The following PIK3C3 variants were observed in gnomAD, a reference collection of about 807,000 sequenced individuals.
PIK3C3 encodes the protein PI3-kinase type 3.
PIK3C3 carries 95 observed loss-of-function variants against 126.1 expected under a neutral mutation model. The observed-to-expected ratio is 0.75, with a 90% CI of 0.64 to 0.89. The LOEUF (loss-of-function observed/expected upper bound fraction) is 0.89, where lower values mean the gene tolerates loss of function less well. PIK3C3 is among the 40% of genes least tolerant of loss of function. The pLI is 0.00. For missense variants in PIK3C3, 829 were observed against 1,063.2 expected, an observed-to-expected ratio of 0.78 and a Z score of 3.06; for synonymous variants, 374 against 360.0, an observed-to-expected ratio of 1.04 and a Z score of -0.44.
chr18:42,046,448 A>G (rs1457257457), intron 20 of PIK3C3, among the ~76,000 whole-genome samples: 1 of 152,158 alleles, frequency 6.6e-6, no homozygotes, highest in African/African-American at 2.4e-5. Context: ...TATCTTTACT[A>G]AGTAAAGGGA....
intron 16 of PIK3C3, among the ~76,000 whole-genome samples, chr18:42,034,828 A>G (rs138949649): frequency 6.6e-6 from 1 of 152,338 alleles, no homozygotes; most frequent in African/African-American, 2.4e-5. Context: ...CTCATAGAAC[A>G]ACAACTAATG....
rs1207781113 is a variant in PIK3C3 at position 42,029,322 on chromosome 18, C to CATG, written c.1591-2_1591-1insTGA. Reference sequence around the variant, plus strand: ...TAATTTTTTCTCACTTTGAACCCTTCAGGGTGATAAGTCTGTCAGAGTTAT... The same window carrying CATG: ...TAATTTTTTCTCACTTTGAACCCTTCATGAGGGTGATAAGTCTGTCAGAGTTAT... On this transcript the variant is annotated splice_region_variant and splice_polypyrimidine_tract_variant and intron_variant, in intron 14 of 24. Coordinates refer to ENST00000262039, the MANE Select transcript of PIK3C3 (RefSeq NM_002647.4). 2.5e-6 allele frequency: 4 copies of CATG among 1,603,062 alleles called. No individual in the cohort carries two copies. The African/African-American group carries it at 5.4e-5, about 21-fold the overall frequency.
intron 4 of PIK3C3, among the ~76,000 whole-genome samples, chr18:41,986,462 C>A (rs555668376): frequency 3.9e-5 from 6 of 152,140 alleles, no homozygotes; most frequent in African/African-American, 1.4e-4. Flanking sequence ...TATTTTGCAT[C>A]TATTACTTTA....
At position 41,957,692 on chromosome 18, in the gene PIK3C3, T is replaced by C. The variant is rs371650526; in HGVS notation, c.191T>C (p.Phe64Ser). ...CSDLYVTCQV[F>S]AEGKPLALPV... The stretch of plus-strand genomic sequence containing the variant: ...GATCTTTATGTTACTTGTCAAGTTT[T>C]TGCAGAAGGGAAGCCTTTGGCCTTG... The change falls in exon 2 of 25, where the codon TTT becomes TCT. Residue 64 changes from phenylalanine (F) to serine (S), a missense_variant. Physicochemically the swap from Phe to Ser is radical, Grantham distance 155 (BLOSUM62 -2). Coordinates refer to ENST00000262039, the MANE Select transcript of PIK3C3 (RefSeq NM_002647.4). The C allele has an allele frequency of 6.9e-5, 111 of 1,613,896 alleles. No homozygotes were observed. Among genetic ancestry groups the C allele is most frequent in the Non-Finnish European group, 8.8e-5 (104 of 1,179,956 alleles).
At chr18:41,994,201 A>G (rs948498945) in intron 7 of PIK3C3, among the ~76,000 whole-genome samples, 1 of 152,166 alleles carries the variant, frequency 6.6e-6, no homozygotes, top group African/African-American at 2.4e-5. Context: ...CAGGGAAAGT[A>G]GAGTATAAAA....
In PIK3C3 at chr18:42,049,518, A is replaced by G; in HGVS notation, c.2189-13A>G. The G allele has an allele frequency of 6.2e-7, 1 of 1,605,696 alleles. No individual in the cohort carries two copies. The highest frequency in any genetic ancestry group is 8.5e-7 in the Non-Finnish European group (1 of 1,173,020). On this transcript the variant is annotated splice_polypyrimidine_tract_variant and intron_variant, in intron 20 of 24. Transcript: ENST00000262039. ...CATTTGTTTTCACATATTTTTTTTA[A>G]CTGTTACTGCAGCTGGATATTGCGT... is the stretch of plus-strand genomic sequence containing the variant.
At chr18:42,030,095 C>G (rs1983757068) in intron 15 of PIK3C3, among the ~76,000 whole-genome samples, 1 of 152,142 alleles carries the variant, frequency 6.6e-6, no homozygotes, top group Admixed American at 6.5e-5. Flanking sequence ...TTTACCACCT[C>G]TCATTTTAGA....
intron 2 of PIK3C3, among the ~76,000 whole-genome samples, chr18:41,960,934 G>C (rs1257242019): frequency 6.6e-6 from 1 of 151,882 alleles, no homozygotes; most frequent in Admixed American, 6.6e-5. Flanking sequence ...TAGAGACACG[G>C]TTTCACCATG....
At chr18:42,063,673 G>T (rs1240709366) in intron 22 of PIK3C3, among the ~76,000 whole-genome samples, 1 of 152,004 alleles carries the variant, frequency 6.6e-6, no homozygotes, top group Non-Finnish European at 1.5e-5. Flanking sequence ...TTCTATAAAA[G>T]TTCCATTATC....
Position 42,004,545 on chromosome 18 carries a change from C to T in PIK3C3, c.1170+4C>T. ...GTTGCGACAGGCCGATGATGAGGTG[C>T]ATTATTATTTATTATTCTGCTTCAA... On this transcript the variant is annotated splice_donor_region_variant and intron_variant, in intron 10 of 24. Transcript: ENST00000262039. 1 of 1,580,780 alleles carries T rather than the reference C, an allele frequency of 6.3e-7. No homozygotes were observed. The highest frequency in any genetic ancestry group is 1.7e-4 in the Middle Eastern group (1 of 5,860).
At chr18:42,030,985 A>G (rs1983798602) in intron 15 of PIK3C3, among the ~76,000 whole-genome samples, 1 of 152,202 alleles carries the variant, frequency 6.6e-6, no homozygotes, top group African/African-American at 2.4e-5. Context: ...CATAGCCTAT[A>G]TTTTAAGCCA....
chr18:42,063,697 T>A (rs1985417615), intron 22 of PIK3C3, among the ~76,000 whole-genome samples: 1 of 152,212 alleles, frequency 6.6e-6, no homozygotes, highest in Non-Finnish European at 1.5e-5. Flanking sequence ...ACAGTTTAAC[T>A]GTTAAACATT....
rs114219289 is a variant in PIK3C3, at chr18:42,030,816, T to G, written c.1707+1375T>G. Reference sequence around the variant, plus strand: ...GTGTCTGCTGCTCTGACCTGCAGTTTGGGGCTTATATTTGAAAGCAGTTTG... The same window carrying G: ...GTGTCTGCTGCTCTGACCTGCAGTTGGGGGCTTATATTTGAAAGCAGTTTG... On this transcript the variant is annotated intron_variant, in intron 15 of 24. Coordinates refer to ENST00000262039, the MANE Select transcript of PIK3C3 (RefSeq NM_002647.4). Among the ~76,000 whole-genome samples the G allele has an allele frequency of 7.0e-3, 1,067 of 152,282 alleles. 13 individuals carry two copies. The highest frequency in any genetic ancestry group is 0.023 in the African/African-American group (946 of 41,552).
chr18:41,958,142 G>T (rs1468376769), intron 2 of PIK3C3, among the ~76,000 whole-genome samples: 1 of 152,150 alleles, frequency 6.6e-6, no homozygotes, highest in Non-Finnish European at 1.5e-5. Flanking sequence ...TTTAGAGATA[G>T]ATCTATTGCC....
intron 4 of PIK3C3, 53 bp from the exon 5 acceptor site, chr18:41,987,759 C>A (rs1442870382): frequency 8.1e-7 from 1 of 1,235,844 alleles, no homozygotes; most frequent in Non-Finnish European, 1.2e-6. Context: ...ATTTTTGGTC[C>A]TTCTTTCTAC....
intron 9 of PIK3C3, among the ~76,000 whole-genome samples, chr18:41,997,156 C>G (rs887978268): frequency 8.5e-5 from 13 of 152,154 alleles, no homozygotes; most frequent in African/African-American, 2.9e-4. Context: ...TTCTTCTTAC[C>G]TCTTTGAACC....
intron 2 of PIK3C3, among the ~76,000 whole-genome samples, chr18:41,960,163 A>T (rs1044895304): frequency 6.6e-6 from 1 of 152,148 alleles, no homozygotes; most frequent in African/African-American, 2.4e-5. Context: ...CTCATCCGAA[A>T]TTTATTCAAG....
At chr18:42,077,894 A>G (rs1194883975) in intron 24 of PIK3C3, among the ~76,000 whole-genome samples, 1 of 152,202 alleles carries the variant, frequency 6.6e-6, no homozygotes, top group Non-Finnish European at 1.5e-5. Flanking sequence ...TTCTTAAATA[A>G]TAGGACTTGA....
chr18:42,044,124 C>T (rs940461124), intron 20 of PIK3C3, among the ~76,000 whole-genome samples: 1 of 152,074 alleles, frequency 6.6e-6, no homozygotes. Context: ...ATAACAGAAA[C>T]TAAGTAGACC....
Sources: gnomAD v4.1 joint callset for allele counts (sites outside exome capture counted in the v4.1 genomes callset) on GRCh38, gnomAD v4.1.1 for gene constraint, MANE v1.5 for transcripts, NCBI Gene and HGNC (gene_info 2026-07-23, HGNC 2026-07-21) for gene names.